The following CAST variants were observed in gnomAD, a reference collection of about 807,000 sequenced individuals.
CAST encodes the protein calpastatin, also known as MIR583 host.
CAST carries 76 observed loss-of-function variants against 119.6 expected under a neutral mutation model. The observed-to-expected ratio is 0.64, with a 90% CI of 0.53 to 0.77. CAST has a LOEUF of 0.77. Among genes scored for constraint, CAST ranks in the 30% least tolerant of loss-of-function variants. The probability of loss-of-function intolerance (pLI) is 0.00; values close to 1 mark genes in which losing one functional copy is unlikely to be tolerated. For missense variants in CAST, 953 were observed against 946.5 expected (o/e 1.01, Z -0.09); for synonymous variants, 319 against 331.6 (o/e 0.96, Z 0.41).
the CAST span, among the ~76,000 whole-genome samples, chr5:96,396,505 G>A: frequency 2.7e-5 from 4 of 150,940 alleles, no homozygotes; most frequent in East Asian, 7.8e-4. Flanking sequence ...AGGTTGCAGT[G>A]AGCCGAGACT....
the CAST span, among the ~76,000 whole-genome samples, chr5:96,395,780 TAAAGTA>T: frequency 1.3e-5 from 2 of 151,872 alleles, no homozygotes; most frequent in East Asian, 3.9e-4. Context: ...CTCCAGAACT[TAAAGTA>T]TAATAAAAAA....
Position 96,565,222 on chromosome 5 carries a change from G to T in CAST, c.60+35342G>T, listed in dbSNP as rs545268737. On this transcript the variant is annotated intron_variant, in intron 1 of 11. Transcript: ENST00000505143. ...CCTTAACTCTGAACTTTCAAAACAT[G>T]CCCATACCTCAATTAAAATATATAT... is the stretch of plus-strand genomic sequence containing the variant. Among the ~76,000 whole-genome samples the T allele has an allele frequency of 4.0e-5, 6 of 151,720 alleles. No homozygotes were observed. The South Asian group carries it at 1.3e-3, about 32-fold the overall frequency.
At chr5:96,726,210 C>A (rs1011500084) in intron 4 of CAST, among the ~76,000 whole-genome samples, 1 of 152,002 alleles carries the variant, frequency 6.6e-6, no homozygotes, top group Non-Finnish European at 1.5e-5. Flanking sequence ...GTATATCTTG[C>A]CTATATTGAG....
At chr5:96,265,552 G>T in the CAST span, among the ~76,000 whole-genome samples, 1 of 152,000 alleles carries the variant, frequency 6.6e-6, no homozygotes, top group South Asian at 2.1e-4. Flanking sequence ...GGGGAAATTT[G>T]CCCTTCCTCT....
the CAST span, among the ~76,000 whole-genome samples, chr5:96,248,800 A>G: frequency 1.3e-5 from 2 of 152,232 alleles, no homozygotes; most frequent in Non-Finnish European, 2.9e-5. Flanking sequence ...TGGATCCTTT[A>G]CAAAAGACGT....
At chr5:95,961,645 T>A in the CAST span, 1 of 1,610,574 alleles carries the variant, frequency 6.2e-7, no homozygotes, top group Non-Finnish European at 8.5e-7. Context: ...TACGGTGATG[T>A]TGTCCTGCCC....
chr5:96,502,657 TTTCTTTC>T, the CAST span, among the ~76,000 whole-genome samples: 12 of 130,544 alleles, frequency 9.2e-5, no homozygotes, highest in African/African-American at 3.1e-4. Flanking sequence ...TCTTTCTTTC[TTTCTTTC>T]TTCTATCCAT....
At chr5:96,688,967 G>GC (rs1259387034) in intron 2 of CAST, among the ~76,000 whole-genome samples, 16 of 151,888 alleles carry the variant, frequency 1.1e-4, no homozygotes, top group African/African-American at 3.4e-4. Flanking sequence ...TGCTGCTGCT[G>GC]TGTGTGTGTA....
the CAST span, among the ~76,000 whole-genome samples, chr5:96,194,132 G>A: frequency 6.6e-6 from 1 of 152,100 alleles, no homozygotes; most frequent in African/African-American, 2.4e-5. Context: ...AGATCTCCCT[G>A]GCTGCTTGAA....
chr5:96,207,347 G>C, the CAST span, among the ~76,000 whole-genome samples: 1 of 152,040 alleles, frequency 6.6e-6, no homozygotes, highest in Non-Finnish European at 1.5e-5. Flanking sequence ...TGTTGAATAA[G>C]AGTGGTGAAA....
At position 96,535,564 on chromosome 5, in the gene CAST, A is replaced by ATT. The variant is rs767087154; in HGVS notation, c.60+5710_60+5711dup. ...AATTTGAGTTTTATGTAAATAAACA[A>ATT]TTTTTTTTTTTTTTTTTTTTTTTTT... On this transcript the variant is annotated intron_variant, in intron 1 of 11. Transcript: ENST00000505143. Among the ~76,000 whole-genome samples the ATT allele has an allele frequency of 6.2e-4, 55 of 88,426 alleles. 1 individual carries two copies. Among genetic ancestry groups the ATT allele is most frequent in the Non-Finnish European group, 8.6e-4 (43 of 49,906 alleles). The allele number at this position is 88,426 out of a possible 152,430, so 58.0% of individuals were successfully genotyped here.
chr5:96,760,284 G>T (rs562653310), intron 24 of CAST, among the ~76,000 whole-genome samples: 4 of 151,984 alleles, frequency 2.6e-5, no homozygotes, highest in African/African-American at 9.6e-5. Context: ...TCAGTAGCAG[G>T]AAAACTGTCA....
At chr5:96,055,488 T>C in the CAST span, among the ~76,000 whole-genome samples, 17 of 152,280 alleles carry the variant, frequency 1.1e-4, no homozygotes, top group Admixed American at 9.2e-4. Flanking sequence ...GAATGATGAA[T>C]GCAAATATTA....
At position 96,544,763 on chromosome 5, in the gene CAST, C is replaced by T. The variant is rs368860014; in HGVS notation, c.60+14883C>T. Among the ~76,000 whole-genome samples the T allele has an allele frequency of 9.2e-5, 14 of 151,440 alleles. No homozygotes were observed. The East Asian group carries it at 9.7e-4, about 10-fold the overall frequency. On this transcript the variant is annotated intron_variant, in intron 1 of 11. Coordinates refer to the CAST transcript ENST00000505143. Reference sequence around the variant, plus strand: ...TATGGTAGATATTAACCCAACATATCGATAATCACCTTCAATGTGAATGGT... The same window carrying T: ...TATGGTAGATATTAACCCAACATATTGATAATCACCTTCAATGTGAATGGT...
At chr5:96,080,066 T>TA in the CAST span, among the ~76,000 whole-genome samples, 1 of 152,168 alleles carries the variant, frequency 6.6e-6, no homozygotes, top group Non-Finnish European at 1.5e-5. Flanking sequence ...GTTAAAAGCA[T>TA]AATTATTATG....
At chr5:96,642,370 T>C (rs1254634585) in intron 1 of CAST, among the ~76,000 whole-genome samples, 1 of 152,202 alleles carries the variant, frequency 6.6e-6, no homozygotes, top group Non-Finnish European at 1.5e-5. Flanking sequence ...CTAAACTTTC[T>C]TCTTCCAAGA....
chr5:95,975,494 A>G, the CAST span, among the ~76,000 whole-genome samples: 1 of 152,282 alleles, frequency 6.6e-6, no homozygotes, highest in Non-Finnish European at 1.5e-5. Flanking sequence ...AACAAAAACT[A>G]TTACACTTCA....
chr5:96,302,521 A>G, the CAST span, among the ~76,000 whole-genome samples: 8 of 152,180 alleles, frequency 5.3e-5, no homozygotes, highest in African/African-American at 1.9e-4. Context: ...CCTTTTAAAT[A>G]TAAGTTCCAC....
At chr5:96,541,831 C>A (rs1745918186) in intron 1 of CAST, among the ~76,000 whole-genome samples, 1 of 151,938 alleles carries the variant, frequency 6.6e-6, no homozygotes, top group South Asian at 2.1e-4. Context: ...AATAATATTC[C>A]CTTGTATGCA....
Sources: allele counts gnomAD v4.1 joint callset (sites outside exome capture counted in the v4.1 genomes callset), GRCh38; gene constraint gnomAD v4.1.1; transcripts MANE v1.5; gene names NCBI Gene and HGNC (gene_info 2026-07-23, HGNC 2026-07-21).